The following PTPRG variants were observed in gnomAD, a reference collection of about 807,000 sequenced individuals.
PTPRG encodes receptor-type tyrosine-protein phosphatase gamma.
A neutral mutation model predicts 165.3 loss-of-function variants in PTPRG; 102 were observed. The ratio of observed to expected loss-of-function variants is 0.62; its 90% CI spans 0.53 to 0.73. The LOEUF (loss-of-function observed/expected upper bound fraction) is 0.73. Among genes scored for constraint, PTPRG ranks in the 30% least tolerant of loss-of-function variants. PTPRG has a pLI of 0.00. For missense variants in PTPRG, 1,866 were observed against 1,861.4 expected (o/e 1.00, Z -0.05); for synonymous variants, 675 against 669.5 (o/e 1.01, Z -0.13).
intron 1 of PTPRG, among the ~76,000 whole-genome samples, chr3:61,610,737 T>TC (rs1701139677): frequency 7.2e-6 from 1 of 139,814 alleles, no homozygotes; most frequent in Non-Finnish European, 1.5e-5. Context: ...CTCATTGCCT[T>TC]CCTGCCTCCC....
chr3:61,612,769 T>G (rs973540047), intron 1 of PTPRG, among the ~76,000 whole-genome samples: 2 of 152,154 alleles, frequency 1.3e-5, no homozygotes, highest in Admixed American at 6.5e-5. Flanking sequence ...ATTGCCAGGT[T>G]GTAAATCATG....
At chr3:62,148,694 G>T (rs907404160) in intron 6 of PTPRG, among the ~76,000 whole-genome samples, 1 of 152,162 alleles carries the variant, frequency 6.6e-6, no homozygotes. Flanking sequence ...CTCAGAAGGT[G>T]GAGGTGGCAG....
chr3:61,663,200 G>A (rs913494555), intron 1 of PTPRG, among the ~76,000 whole-genome samples: 2 of 151,716 alleles, frequency 1.3e-5, no homozygotes, highest in Admixed American at 6.6e-5. Context: ...GAGCAATGTC[G>A]TTGGCATCCC....
intron 2 of PTPRG, among the ~76,000 whole-genome samples, chr3:61,855,921 T>C (rs557054057): frequency 4.5e-4 from 68 of 152,188 alleles, no homozygotes; most frequent in African/African-American, 1.5e-3. Flanking sequence ...TGGGTTTCCC[T>C]TGAATTAGGA....
chr3:62,262,666 T>C (rs1576190874), intron 16 of PTPRG, 132 bp from the exon 17 acceptor site: 1 of 491,362 alleles, frequency 2.0e-6, no homozygotes. Flanking sequence ...TCAATAATTA[T>C]ATCCGAAGTT....
intron 1 of PTPRG, among the ~76,000 whole-genome samples, chr3:61,654,455 G>C (rs915637106): frequency 6.6e-6 from 1 of 152,072 alleles, no homozygotes; most frequent in African/African-American, 2.4e-5. Context: ...TGCAGTCTCA[G>C]CTGACTGCAG....
At position 61,893,859 on chromosome 3, in the gene PTPRG, A is replaced by C. The variant is rs139275851; in HGVS notation, c.191-95766A>C. ...ACAACTCTTAAAGGATGTATCTTTC[A>C]AACATTTCTTTGGTGCTGGTCAGGT... is the stretch of plus-strand genomic sequence containing the variant. On this transcript the variant is annotated intron_variant, in intron 2 of 29. Transcript: ENST00000474889. Among the ~76,000 whole-genome samples the C allele has an allele frequency of 3.9e-5, 6 of 152,314 alleles. No homozygotes were observed. In the East Asian group the frequency reaches 1.2e-3, roughly 29 times the overall value.
chr3:61,746,958 G>A (rs959854679), intron 1 of PTPRG, among the ~76,000 whole-genome samples: 48 of 152,112 alleles, frequency 3.2e-4, no homozygotes, highest in Non-Finnish European at 5.7e-4. Flanking sequence ...TTTAAGATCA[G>A]CTACAAAAAT....
chr3:61,882,842 TCTC>T (rs531659494), intron 2 of PTPRG, among the ~76,000 whole-genome samples: 1,667 of 152,270 alleles, frequency 0.011, 16 homozygotes, highest in South Asian at 0.027. Flanking sequence ...GGTGCCCCAT[TCTC>T]CTCTGTTCTT....
At chr3:62,176,256 G>A (rs1285261941) in intron 8 of PTPRG, among the ~76,000 whole-genome samples, 1 of 152,070 alleles carries the variant, frequency 6.6e-6, no homozygotes, top group African/African-American at 2.4e-5. Context: ...AGTTTGGATG[G>A]AGGGGTGGGT....
intron 4 of PTPRG, among the ~76,000 whole-genome samples, chr3:62,026,274 G>C (rs984879220): frequency 3.9e-5 from 6 of 152,190 alleles, no homozygotes; most frequent in African/African-American, 9.7e-5. Flanking sequence ...GAAACTTCAT[G>C]CTGAAAGATT....
chr3:61,590,783 A>G (rs1700550647), intron 1 of PTPRG, among the ~76,000 whole-genome samples: 1 of 152,136 alleles, frequency 6.6e-6, no homozygotes. Context: ...TACATTTAGC[A>G]TAGTCTTTTT....
intron 5 of PTPRG, among the ~76,000 whole-genome samples, chr3:62,119,044 C>G (rs72891413): frequency 1.3e-5 from 2 of 152,154 alleles, no homozygotes; most frequent in Non-Finnish European, 2.9e-5. Flanking sequence ...GCTGGGAATA[C>G]GAAACAAACT....
chr3:62,114,316 CA>C (rs202110573), intron 5 of PTPRG, among the ~76,000 whole-genome samples: 3 of 145,918 alleles, frequency 2.1e-5, no homozygotes, highest in Non-Finnish European at 3.0e-5. Context: ...AACAAACAAA[CA>C]AAAAAAAAAC....
At chr3:61,825,122 G>A (rs879415571) in intron 2 of PTPRG, among the ~76,000 whole-genome samples, 12 of 152,110 alleles carry the variant, frequency 7.9e-5, no homozygotes, top group Non-Finnish European at 1.2e-4. Flanking sequence ...AAGAATATTC[G>A]AGATACATCA....
intron 5 of PTPRG, among the ~76,000 whole-genome samples, chr3:62,128,297 C>A (rs1703389617): frequency 6.6e-6 from 1 of 152,118 alleles, no homozygotes; most frequent in South Asian, 2.1e-4. Flanking sequence ...CGTATTACTG[C>A]ATAACTCCTT....
chr3:61,770,718 T>C (rs1156527733), intron 2 of PTPRG: 1 of 152,240 alleles, frequency 6.6e-6, no homozygotes. Flanking sequence ...GGTTAGAATT[T>C]TATCTAGGAT....
At chr3:61,869,471 T>G (rs1336681247) in intron 2 of PTPRG, among the ~76,000 whole-genome samples, 5 of 152,114 alleles carry the variant, frequency 3.3e-5, no homozygotes, top group Admixed American at 1.3e-4. Flanking sequence ...TCAAGATGGC[T>G]CCAGTGGCTT....
At chr3:61,659,493 A>ACCTTCTCTTCT in intron 1 of PTPRG, 1 of 968,936 alleles carries the variant, frequency 1.0e-6, no homozygotes, top group Non-Finnish European at 1.2e-6. Context: ...TCAGAAGAGA[A>ACCTTCTCTTCT]GGTAGGGGTC....
Sources: allele counts gnomAD v4.1 joint callset (sites outside exome capture counted in the v4.1 genomes callset), GRCh38; gene constraint gnomAD v4.1.1; transcripts MANE v1.5; gene names NCBI Gene and HGNC (gene_info 2026-07-23, HGNC 2026-07-21).